The following PKHD1 variants were observed in gnomAD, a reference collection of about 807,000 sequenced individuals.
PKHD1 encodes the protein fibrocystin.
Under a neutral mutation model 412.0 loss-of-function variants are expected in PKHD1, and 291 were observed. The ratio of observed to expected loss-of-function variants is 0.71; its 90% confidence interval spans 0.64 to 0.78. The LOEUF (loss-of-function observed/expected upper bound fraction) is 0.78, where lower values mean the gene tolerates loss of function less well. Ranked by LOEUF, PKHD1 falls within the 30% of genes least tolerant of loss-of-function variation. The pLI, the probability that PKHD1 is intolerant of heterozygous loss-of-function variation, is 0.00. For missense variants in PKHD1, 4,825 were observed against 4,950.7 expected (o/e 0.97, Z 0.76); for synonymous variants, 1,777 against 1,821.5 (o/e 0.98, Z 0.62).
At chr6:51,886,348 T>A (rs1778215121) in intron 44 of PKHD1, among the ~76,000 whole-genome samples, 1 of 152,188 alleles carries the variant, frequency 6.6e-6, no homozygotes, top group Non-Finnish European at 1.5e-5. Context: ...ATCTAGAAAA[T>A]AATGCTAACA....
chr6:52,044,311 C>T lies in PKHD1; in HGVS notation c.2716-581G>A, dbSNP rs1581918436. On this transcript the variant is annotated intron_variant, in intron 25 of 66. Transcript: ENST00000371117. ...ATGAGAAAGGTAAAAAAGATGTGAC[C>T]CCACTGATTCTCTATGTATAAAAAA... Among the ~76,000 whole-genome samples, 3 of 152,208 alleles carry T rather than the reference C, an allele frequency of 2.0e-5. No homozygotes were observed. The South Asian group carries it at 6.2e-4, about 32-fold the overall frequency.
At chr6:51,918,061 TG>T (rs1426855399) in intron 37 of PKHD1, among the ~76,000 whole-genome samples, 1 of 152,046 alleles carries the variant, frequency 6.6e-6, no homozygotes, top group African/African-American at 2.4e-5. Context: ...TGTTACTCTA[TG>T]AACTAGATAT....
rs763479840 is a variant in PKHD1, at chr6:51,870,659, A to T, written c.7351-20T>A. On this transcript the variant is annotated intron_variant, in intron 46 of 66. Coordinates refer to ENST00000371117, the MANE Select transcript of PKHD1 (RefSeq NM_138694.4). ...ACTTCCCTGTGATTTAAAAGAAAAAAAGATGAAAGCAAAATAAGAAAACTG... is the reference window on the plus strand; with the variant it reads ...ACTTCCCTGTGATTTAAAAGAAAAATAGATGAAAGCAAAATAAGAAAACTG... The T allele has an allele frequency of 5.6e-6, 9 of 1,595,566 alleles. No individual in the cohort carries two copies. Among genetic ancestry groups the T allele is most frequent in the South Asian group, 1.1e-5 (1 of 90,462 alleles).
At chr6:51,819,835 G>C (rs1582872254) in intron 52 of PKHD1, among the ~76,000 whole-genome samples, 1 of 152,116 alleles carries the variant, frequency 6.6e-6, no homozygotes, top group African/African-American at 2.4e-5. Flanking sequence ...TAGCTCTCTT[G>C]GATGGCATTT....
rs539832575 is a variant in PKHD1, at chr6:51,659,507, T to C, written c.10619A>G (p.Asp3540Gly). 200 of 1,613,530 alleles carry C rather than the reference T, an allele frequency of 1.2e-4. No homozygotes were observed. The highest frequency in any genetic ancestry group is 1.6e-4 in the Non-Finnish European group (193 of 1,179,810). ...SIGANYFNIM[D>G]NLLYVVLQGE... is the part of the protein sequence containing the mutation. ...TTGTAGGACAACATACAAGAGGTTA[T>C]CCATGATGTTGAAATAGTTGGCACC... Residue 3540 changes from aspartate (D) to glycine (G), a missense_variant, in exon 61 of 67, where the codon GAT (aspartate) becomes GGT (glycine). By Grantham distance (94) the Asp-to-Gly change is moderately conservative. Coordinates refer to ENST00000371117, the MANE Select transcript of PKHD1 (RefSeq NM_138694.4).
intron 50 of PKHD1, among the ~76,000 whole-genome samples, chr6:51,839,107 A>G (rs1276634862): frequency 6.6e-6 from 1 of 152,232 alleles, no homozygotes; most frequent in Non-Finnish European, 1.5e-5. Context: ...CAACTTAACC[A>G]GATCTGCTAA....
chr6:51,906,092 A>G lies in PKHD1; in HGVS notation c.6808+123T>C, dbSNP rs1484641478. 6.1e-6 allele frequency: 5 copies of G among 818,958 alleles called. No homozygotes were observed. In the African/African-American group the frequency reaches 8.5e-5, roughly 14 times the overall value. The allele number at this position is 818,958 out of a possible 1,614,324, so 50.7% of individuals were successfully genotyped here. ...AATTTAGAATGTTTTACTGTAGCCC[A>G]TTTCTAGTGATCATAAAGCCAATAT... On this transcript the variant is annotated intron_variant, in intron 41 of 66. Coordinates refer to ENST00000371117, the MANE Select transcript of PKHD1 (RefSeq NM_138694.4).
intron 51 of PKHD1, among the ~76,000 whole-genome samples, chr6:51,833,010 T>C (rs781427507): frequency 6.6e-6 from 1 of 152,144 alleles, no homozygotes; most frequent in Non-Finnish European, 1.5e-5. Context: ...TTTCTAAGTT[T>C]TTTCCCAATG....
chr6:51,925,786 C>A (rs551743155), intron 37 of PKHD1, among the ~76,000 whole-genome samples: 1 of 151,996 alleles, frequency 6.6e-6, no homozygotes, highest in African/African-American at 2.4e-5. Context: ...CTCCTTCTCT[C>A]TCCCTTCCTC....
At chr6:51,974,357 C>A (rs1794084042) in intron 35 of PKHD1, among the ~76,000 whole-genome samples, 1 of 152,176 alleles carries the variant, frequency 6.6e-6, no homozygotes, top group African/African-American at 2.4e-5. Context: ...CTCATCTGGG[C>A]AAACCAAAGC....
intron 61 of PKHD1, among the ~76,000 whole-genome samples, chr6:51,651,525 G>C (rs915164400): frequency 1.3e-5 from 2 of 152,080 alleles, no homozygotes; most frequent in Non-Finnish European, 2.9e-5. Flanking sequence ...AACTGTAATA[G>C]ATAAAAGCAA....
At chr6:51,811,638 C>T (rs1218235269) in intron 52 of PKHD1, among the ~76,000 whole-genome samples, 3 of 152,058 alleles carry the variant, frequency 2.0e-5, no homozygotes. Flanking sequence ...TTCTCAGTTT[C>T]CCGGCTACCT....
chr6:52,077,577 G>A (rs569469981), intron 5 of PKHD1, among the ~76,000 whole-genome samples: 1 of 152,206 alleles, frequency 6.6e-6, no homozygotes. Flanking sequence ...TAACTCGGTT[G>A]TTAATCAACA....
chr6:51,805,630 C>T (rs929008085), intron 52 of PKHD1, among the ~76,000 whole-genome samples: 8 of 152,170 alleles, frequency 5.3e-5, no homozygotes, highest in African/African-American at 1.2e-4. Flanking sequence ...GCTAGAAAGG[C>T]GGGCAAGAGA....
At chr6:51,958,935 C>G (rs1791579714) in intron 36 of PKHD1, among the ~76,000 whole-genome samples, 2 of 151,944 alleles carry the variant, frequency 1.3e-5, no homozygotes, top group Admixed American at 1.3e-4. Flanking sequence ...AAAACTTCTC[C>G]TTGCTATAGA....
chr6:51,737,480 C>G (rs1011649609), intron 60 of PKHD1, among the ~76,000 whole-genome samples: 5 of 152,146 alleles, frequency 3.3e-5, no homozygotes, highest in African/African-American at 1.2e-4. Context: ...ATCTTTTTAG[C>G]TAATGTTCTT....
intron 35 of PKHD1, among the ~76,000 whole-genome samples, chr6:51,977,339 C>T (rs1794594305): frequency 6.6e-6 from 1 of 152,212 alleles, no homozygotes; most frequent in Admixed American, 6.5e-5. Flanking sequence ...CCACGCTACT[C>T]CCCTACTCCC....
chr6:51,617,091 A>T lies in PKHD1; in HGVS notation c.*1990T>A, dbSNP rs1766134638. ...AAAAATACCTGTGGAAAAAAAACTT[A>T]AAAAGTGGTGAAAGAATCCGAGGAA... is the stretch of plus-strand genomic sequence containing the variant. On this transcript the variant is annotated 3_prime_UTR_variant, in exon 67 of 67. Transcript: ENST00000371117. 6.0e-6 allele frequency: 1 copy of T among 165,368 alleles called. No individual in the cohort carries two copies. The highest frequency in any genetic ancestry group is 2.4e-5 in the African/African-American group (1 of 42,090). The allele number at this position is 165,368 out of a possible 1,614,324, so 10.2% of individuals were successfully genotyped here.
chr6:51,837,292 T>G (rs1161247569), intron 50 of PKHD1, among the ~76,000 whole-genome samples: 1 of 152,224 alleles, frequency 6.6e-6, no homozygotes, highest in Non-Finnish European at 1.5e-5. Context: ...GCACCCCTTG[T>G]TGCTGAAGGC....
Sources: gnomAD v4.1 joint callset for allele counts (sites outside exome capture counted in the v4.1 genomes callset) on GRCh38, gnomAD v4.1.1 for gene constraint, MANE v1.5 for transcripts, NCBI Gene and HGNC (gene_info 2026-07-23, HGNC 2026-07-21) for gene names.